The following ANKRD36C variants were observed in gnomAD, a reference collection of about 807,000 sequenced individuals.
ANKRD36C encodes ankyrin repeat domain-containing protein 36C.
In ANKRD36C, 61 loss-of-function variants were observed where a neutral mutation model predicts 276.4. That is an observed-to-expected ratio of 0.22 (90% confidence interval 0.18 to 0.27). The LOEUF is 0.27. ANKRD36C is among the 10% of genes least tolerant of loss of function. The probability of loss-of-function intolerance (pLI) is 1.00; values close to 1 mark genes in which losing one functional copy is unlikely to be tolerated. For synonymous variants in ANKRD36C, 483 were observed against 680.1 expected (o/e 0.71, Z 4.51); for missense variants, 1,447 against 2,032.3 (o/e 0.71, Z 5.54).
rs1471223190 is a variant in ANKRD36C at position 95,962,835 on chromosome 2, A to G, written c.800-288T>C. 3.9e-5 allele frequency among the ~76,000 whole-genome samples: 6 copies of G among 152,156 alleles called. No individual in the cohort carries two copies. In the East Asian group the frequency reaches 9.7e-4, roughly 24 times the overall value. On this transcript the variant is annotated intron_variant, in intron 6 of 66. Coordinates refer to ENST00000456556, the Ensembl canonical transcript of ANKRD36C. ...TATCATTGTGGATATATGGAGGGATAAAAACAAATGTGGTCTAAAAACAGA... is the reference window on the plus strand; with the variant it reads ...TATCATTGTGGATATATGGAGGGATGAAAACAAATGTGGTCTAAAAACAGA...
intron 61 of ANKRD36C, among the ~76,000 whole-genome samples, chr2:95,857,934 G>T (rs1675458603): frequency 6.6e-6 from 1 of 151,308 alleles, no homozygotes; most frequent in South Asian, 2.1e-4. Context: ...AGTAAAACTT[G>T]GTTTCCACAA....
At chr2:95,875,505 G>A (rs1302719299) in intron 59 of ANKRD36C, among the ~76,000 whole-genome samples, 1 of 124,212 alleles carries the variant, frequency 8.1e-6, no homozygotes, top group African/African-American at 3.1e-5. Flanking sequence ...ACAGGAAGGG[G>A]AACATCACAC....
intron 59 of ANKRD36C, among the ~76,000 whole-genome samples, chr2:95,871,805 TA>T (rs1257231528): frequency 5.3e-4 from 80 of 150,826 alleles, no homozygotes; most frequent in African/African-American, 1.9e-3. Context: ...AGGCTCAAAA[TA>T]AAAGGATGGA....
intron 6 of ANKRD36C, among the ~76,000 whole-genome samples, chr2:95,974,793 T>G (rs1678770864): frequency 8.8e-6 from 1 of 113,058 alleles, no homozygotes; most frequent in Non-Finnish European, 1.8e-5. Flanking sequence ...CCTAATGCTA[T>G]CCCTCCCCCC....
At chr2:95,864,073 G>C (rs1675637994) in intron 60 of ANKRD36C, among the ~76,000 whole-genome samples, 1 of 151,688 alleles carries the variant, frequency 6.6e-6, no homozygotes, top group African/African-American at 2.4e-5. Flanking sequence ...TATTGGATTG[G>C]GGGTATACAA....
intron 58 of ANKRD36C, among the ~76,000 whole-genome samples, chr2:95,878,877 C>T (rs543540500): frequency 1.6e-4 from 25 of 152,176 alleles, no homozygotes; most frequent in Non-Finnish European, 3.5e-4. Context: ...TGAATTAGTA[C>T]AGCCACTATG....
chr2:95,852,342 T>C (rs1251386976), intron 64 of ANKRD36C, 146 bp from the exon 85 acceptor site: 2 of 672,164 alleles, frequency 3.0e-6, no homozygotes, highest in Non-Finnish European at 5.1e-6. Flanking sequence ...GGAGAAGTCA[T>C]CCCATTACCT....
At chr2:95,939,428 G>A (rs1047939924) in intron 20 of ANKRD36C, among the ~76,000 whole-genome samples, 9 of 150,802 alleles carry the variant, frequency 6.0e-5, no homozygotes, top group Middle Eastern at 3.4e-3. Flanking sequence ...ATTCGCGGCC[G>A]GGCGCGGTGG....
chr2:95,851,714 T>C, exon 66 of ANKRD36C: 2 of 1,515,404 alleles, frequency 1.3e-6, no homozygotes, highest in East Asian at 2.4e-5. Flanking sequence ...TGCTGCAGGA[T>C]TTTCTCAAAC....
rs753502012 is a variant in ANKRD36C at position 95,891,829 on chromosome 2, T to C, written c.2784+3A>G. Reference sequence around the variant, plus strand: ...TTCACAATATAAATGACAGTTTCATTACCTTCAAGCCTGATGGTTTCTCAG... The same window carrying C: ...TTCACAATATAAATGACAGTTTCATCACCTTCAAGCCTGATGGTTTCTCAG... On this transcript the variant is annotated splice_donor_region_variant and intron_variant, in intron 45 of 66. Coordinates refer to ENST00000456556, the Ensembl canonical transcript of ANKRD36C. 2 of 1,561,188 alleles carry C rather than the reference T, an allele frequency of 1.3e-6. No homozygotes were observed. The highest frequency in any genetic ancestry group is 1.2e-5 in the South Asian group (1 of 85,074).
At chr2:95,852,054 C>G (rs934772869) in intron 65 of ANKRD36C, 72 bp downstream of exon 85, 1 of 1,467,578 alleles carries the variant, frequency 6.8e-7, no homozygotes, top group South Asian at 1.2e-5. Flanking sequence ...ATAACTGATA[C>G]AATTTTCATA....
intron 24 of ANKRD36C, among the ~76,000 whole-genome samples, chr2:95,931,425 G>C (rs372215817): frequency 2.0e-5 from 3 of 149,420 alleles, no homozygotes; most frequent in Admixed American, 6.8e-5. Context: ...AGACAGTACT[G>C]AGCAATAAAC....
intron 34 of ANKRD36C, among the ~76,000 whole-genome samples, chr2:95,921,047 G>A (rs1432847505): frequency 6.6e-6 from 1 of 150,440 alleles, no homozygotes; most frequent in African/African-American, 2.5e-5. Flanking sequence ...TATTCCAAAT[G>A]CATGTGAAGT....
intron 61 of ANKRD36C, among the ~76,000 whole-genome samples, chr2:95,858,824 G>A (rs1424637492): frequency 6.6e-6 from 1 of 152,042 alleles, no homozygotes; most frequent in African/African-American, 2.4e-5. Flanking sequence ...CTATCCTGCT[G>A]ATTAGTATGT....
intron 56 of ANKRD36C, 61 bp from the exon 77 acceptor site, chr2:95,880,684 T>C (rs1411420779): frequency 2.6e-6 from 4 of 1,517,548 alleles, no homozygotes; most frequent in Non-Finnish European, 3.6e-6. Flanking sequence ...CAACCATACA[T>C]TTGTGGAGTG....
chr2:95,864,351 C>CT (rs1180280907), intron 60 of ANKRD36C, among the ~76,000 whole-genome samples: 1 of 151,814 alleles, frequency 6.6e-6, no homozygotes. Flanking sequence ...ATAAAATTTA[C>CT]TCCTGATGTC....
At chr2:95,869,671 G>A (rs1383886156) in intron 59 of ANKRD36C, among the ~76,000 whole-genome samples, 4 of 152,194 alleles carry the variant, frequency 2.6e-5, no homozygotes, top group African/African-American at 4.8e-5. Context: ...CTGGACAGTG[G>A]GTGCAGTGCA....
chr2:95,860,124 TG>T (rs1675536207), intron 60 of ANKRD36C, 50 bp from the exon 81 acceptor site: 1 of 1,223,216 alleles, frequency 8.2e-7, no homozygotes, highest in Non-Finnish European at 1.2e-6. Flanking sequence ...AGTAGATTTT[TG>T]GATATAAAGG....
chr2:95,912,928 T>C (rs1457189730), intron 40 of ANKRD36C, among the ~76,000 whole-genome samples: 3 of 151,364 alleles, frequency 2.0e-5, no homozygotes, highest in Admixed American at 2.0e-4. Flanking sequence ...AATGTACACT[T>C]CACATCTCTT....
Sources: gnomAD v4.1 joint callset for allele counts (sites outside exome capture counted in the v4.1 genomes callset) on GRCh38, gnomAD v4.1.1 for gene constraint, MANE v1.5 for transcripts, NCBI Gene and HGNC (gene_info 2026-07-23, HGNC 2026-07-21) for gene names.